Variants in ROBO2 observed in about 807,000 individuals in gnomAD.
ROBO2 encodes roundabout homolog 2.
A neutral mutation model predicts 160.8 loss-of-function variants in ROBO2; 53 were observed. The observed-to-expected ratio is 0.33, with a 90% CI of 0.26 to 0.41. The LOEUF (loss-of-function observed/expected upper bound fraction) is 0.41. Among genes scored for constraint, ROBO2 ranks in the 10% least tolerant of loss-of-function variants. The probability of loss-of-function intolerance (pLI) is 1.00; values close to 1 mark genes in which losing one functional copy is unlikely to be tolerated. For missense variants in ROBO2, 1,577 were observed against 1,722.4 expected, an observed-to-expected ratio of 0.92 and a Z score of 1.49; for synonymous variants, 664 against 611.7, an observed-to-expected ratio of 1.09 and a Z score of -1.26.
chr3:76,991,255 A>C lies in ROBO2; in HGVS notation c.110-106759A>C, dbSNP rs368168234. Among the ~76,000 whole-genome samples, 4 of 152,304 alleles carry C rather than the reference A, an allele frequency of 2.6e-5. No individual in the cohort carries two copies. In the East Asian group the frequency reaches 7.7e-4, roughly 29 times the overall value. On this transcript the variant is annotated intron_variant, in intron 2 of 26. Coordinates refer to the ROBO2 transcript ENST00000487694. Reference sequence around the variant, plus strand: ...CTTATGGATTCGCCACTGGTAAAAAATACTTAGTTATTTTTACCTATAGGT... The same window carrying C: ...CTTATGGATTCGCCACTGGTAAAAACTACTTAGTTATTTTTACCTATAGGT...
intron 9 of ROBO2, among the ~76,000 whole-genome samples, chr3:77,559,945 C>A (rs747094268): frequency 6.6e-6 from 1 of 152,012 alleles, no homozygotes; most frequent in African/African-American, 2.4e-5. Context: ...TAATTGTTAA[C>A]CTTCTTTGAA....
chr3:77,506,738 A>C (rs183007611), intron 5 of ROBO2, among the ~76,000 whole-genome samples: 3 of 152,136 alleles, frequency 2.0e-5, no homozygotes, highest in Non-Finnish European at 4.4e-5. Context: ...GAAAAAATCA[A>C]TCTGGGCATT....
intron 2 of ROBO2, among the ~76,000 whole-genome samples, chr3:76,213,441 GT>G (rs746870908): frequency 1.3e-5 from 2 of 152,088 alleles, no homozygotes; most frequent in African/African-American, 2.4e-5. Flanking sequence ...TACTCTTAGT[GT>G]TTATTTCTGA....
At chr3:77,153,956 T>C (rs907881229) in intron 2 of ROBO2, among the ~76,000 whole-genome samples, 1 of 152,144 alleles carries the variant, frequency 6.6e-6, no homozygotes, top group East Asian at 1.9e-4. Flanking sequence ...ATCTTTCTTA[T>C]TTTAAGTAGA....
chr3:77,253,445 C>A (rs556085257), intron 2 of ROBO2, among the ~76,000 whole-genome samples: 1 of 152,216 alleles, frequency 6.6e-6, no homozygotes, highest in African/African-American at 2.4e-5. Flanking sequence ...GTTTAATATT[C>A]ACTAAAAGCT....
chr3:76,742,585 A>C (rs2093820098), intron 2 of ROBO2, among the ~76,000 whole-genome samples: 1 of 152,104 alleles, frequency 6.6e-6, no homozygotes, highest in Non-Finnish European at 1.5e-5. Context: ...AAATGTGAAA[A>C]CCTGTAGTAT....
intron 2 of ROBO2, among the ~76,000 whole-genome samples, chr3:76,543,451 C>T (rs2082923661): frequency 6.6e-6 from 1 of 152,070 alleles, no homozygotes. Context: ...CCCAAACAAA[C>T]AAAAATCAGA....
chr3:76,984,642 G>C lies in ROBO2; in HGVS notation c.110-113372G>C, dbSNP rs145868688. On this transcript the variant is annotated intron_variant, in intron 2 of 26. Transcript: ENST00000487694. ...TGAAAGATACATGGAAACGTGGTGGGAAGCCCTGGATCTAAAACTAACAAT... is the reference window on the plus strand; with the variant it reads ...TGAAAGATACATGGAAACGTGGTGGCAAGCCCTGGATCTAAAACTAACAAT... 1.1e-4 allele frequency among the ~76,000 whole-genome samples: 16 copies of C among 152,160 alleles called. No individual in the cohort carries two copies. The East Asian group carries it at 2.9e-3, about 28-fold the overall frequency.
intron 2 of ROBO2, among the ~76,000 whole-genome samples, chr3:76,298,704 G>A (rs1709207503): frequency 6.6e-6 from 1 of 152,168 alleles, no homozygotes; most frequent in Admixed American, 6.5e-5. Flanking sequence ...ATGGGACACT[G>A]AGACAGAAAA....
chr3:76,126,099 C>G, intron 2 of ROBO2, among the ~76,000 whole-genome samples: 1 of 152,264 alleles, frequency 6.6e-6, no homozygotes, highest in East Asian at 1.9e-4. Context: ...CAGGCGTGAG[C>G]CACTGCACCC....
At chr3:77,042,069 A>C (rs2064154721) in intron 1 of ROBO2, among the ~76,000 whole-genome samples, 1 of 152,168 alleles carries the variant, frequency 6.6e-6, no homozygotes, top group Non-Finnish European at 1.5e-5. Flanking sequence ...CTTTCTATAA[A>C]CATGAGGCAA....
At chr3:76,236,569 A>G (rs544171051) in intron 2 of ROBO2, among the ~76,000 whole-genome samples, 9 of 152,252 alleles carry the variant, frequency 5.9e-5, no homozygotes, top group African/African-American at 2.2e-4. Context: ...ACTTTCTACT[A>G]AGTAGATTAT....
intron 2 of ROBO2, among the ~76,000 whole-genome samples, chr3:76,940,463 A>G (rs986807991): frequency 2.6e-5 from 4 of 152,216 alleles, no homozygotes; most frequent in African/African-American, 9.7e-5. Context: ...ATACAACAAA[A>G]AATCCATTTA....
At chr3:77,252,935 T>C (rs1337448435) in intron 2 of ROBO2, among the ~76,000 whole-genome samples, 1 of 148,892 alleles carries the variant, frequency 6.7e-6, no homozygotes, top group African/African-American at 2.5e-5. Flanking sequence ...ATTAAATTAA[T>C]TTGTATGGCT....
At chr3:77,106,338 C>T (rs566344847) in intron 2 of ROBO2, among the ~76,000 whole-genome samples, 6 of 152,212 alleles carry the variant, frequency 3.9e-5, no homozygotes, top group Admixed American at 2.0e-4. Flanking sequence ...CCACCGTGCC[C>T]GGCCTCTTAC....
chr3:77,374,695 A>G (rs1342766566), intron 2 of ROBO2, among the ~76,000 whole-genome samples: 1 of 152,204 alleles, frequency 6.6e-6, no homozygotes, highest in Non-Finnish European at 1.5e-5. Flanking sequence ...TGTTGGTTTA[A>G]AATATACTTT....
intron 20 of ROBO2, among the ~76,000 whole-genome samples, chr3:77,605,730 G>A (rs2094514692): frequency 1.3e-5 from 2 of 152,150 alleles, no homozygotes; most frequent in Non-Finnish European, 2.9e-5. Context: ...CTTACTGGGT[G>A]AATGTGGACC....
intron 2 of ROBO2, among the ~76,000 whole-genome samples, chr3:77,324,280 T>C (rs2065125324): frequency 6.6e-6 from 1 of 152,208 alleles, no homozygotes; most frequent in South Asian, 2.1e-4. Context: ...CTGATGACTG[T>C]ACAGCACTGT....
chr3:76,485,368 G>T (rs1420267391), intron 2 of ROBO2, among the ~76,000 whole-genome samples: 1 of 152,016 alleles, frequency 6.6e-6, no homozygotes, highest in South Asian at 2.1e-4. Context: ...TAATGCTGCC[G>T]CTAATCTGAC....
Sources: gnomAD v4.1 joint callset for allele counts (sites outside exome capture counted in the v4.1 genomes callset) on GRCh38, gnomAD v4.1.1 for gene constraint, MANE v1.5 for transcripts, NCBI Gene and HGNC (gene_info 2026-07-23, HGNC 2026-07-21) for gene names.